KIF27: variants seen among roughly 807,000 people sequenced by gnomAD.
The protein encoded by KIF27 is kinesin-like protein KIF27.
In KIF27, 84 loss-of-function variants were observed where a neutral mutation model predicts 141.8. That is an observed-to-expected ratio of 0.59 (90% CI 0.50 to 0.71). KIF27 has a LOEUF of 0.71. KIF27 is among the 30% of genes least tolerant of loss of function. The pLI is 0.00. For synonymous variants in KIF27, 471 were observed against 569.5 expected (o/e 0.83, Z 2.46); for missense variants, 1,306 against 1,628.4 (o/e 0.80, Z 3.41).
intron 3 of KIF27, among the ~76,000 whole-genome samples, chr9:83,908,129 G>A (rs946590744): frequency 3.3e-5 from 5 of 152,012 alleles, no homozygotes; most frequent in African/African-American, 7.3e-5. Flanking sequence ...AGGCATGGTG[G>A]TGCACACCTG....
intron 5 of KIF27, among the ~76,000 whole-genome samples, chr9:83,895,535 T>G (rs1369997954): frequency 6.6e-6 from 1 of 152,150 alleles, no homozygotes; most frequent in Admixed American, 6.5e-5. Flanking sequence ...CAACACTGCA[T>G]TGGAGATCCC....
intron 13 of KIF27, among the ~76,000 whole-genome samples, chr9:83,860,872 C>A (rs1204061315): frequency 6.7e-6 from 1 of 148,876 alleles, no homozygotes; most frequent in Non-Finnish European, 1.5e-5. Context: ...CCTGGATAGG[C>A]TTGATGGGAG....
chr9:83,888,971 C>T (rs934606541), intron 7 of KIF27, 113 bp downstream of exon 7: 3 of 1,278,298 alleles, frequency 2.3e-6, no homozygotes, highest in Admixed American at 3.0e-5. Flanking sequence ...CAAAAGTTAC[C>T]TACTCTTCTA....
At chr9:83,841,692 T>C (rs1158377926) in intron 17 of KIF27, among the ~76,000 whole-genome samples, 24 of 152,170 alleles carry the variant, frequency 1.6e-4, no homozygotes, top group Non-Finnish European at 2.8e-4. Flanking sequence ...CTTCATAGTA[T>C]TTTTTATTTT....
At chr9:83,874,873 A>G (rs146450788) in intron 11 of KIF27, among the ~76,000 whole-genome samples, 2 of 151,104 alleles carry the variant, frequency 1.3e-5, no homozygotes, top group Non-Finnish European at 3.0e-5. Context: ...GGCCAAGGCT[A>G]CAGTGAGCCA....
At chr9:83,902,322 AG>A (rs1334367415) in intron 4 of KIF27, among the ~76,000 whole-genome samples, 1 of 152,222 alleles carries the variant, frequency 6.6e-6, no homozygotes, top group African/African-American at 2.4e-5. Context: ...ATGTTGTCTC[AG>A]GAACAACTGA....
chr9:83,854,472 T>C (rs547676713), intron 14 of KIF27, among the ~76,000 whole-genome samples: 1 of 152,288 alleles, frequency 6.6e-6, no homozygotes, highest in East Asian at 1.9e-4. Flanking sequence ...AGAAGGAAAA[T>C]GTAGGTGTTA....
rs768600707 is a variant in KIF27, at chr9:83,859,145, T to C, written c.3150+11A>G. ...ATACAGCACCTCCAGTTCCAAAGAA[T>C]ACTGACTTACTTCAGGTGATAACAC... is the stretch of plus-strand genomic sequence containing the variant. On this transcript the variant is annotated intron_variant, in intron 14 of 17. Coordinates refer to ENST00000297814, the MANE Select transcript of KIF27 (RefSeq NM_017576.4). The C allele has an allele frequency of 1.3e-6, 2 of 1,576,056 alleles. No individual in the cohort carries two copies.
chr9:83,909,516 A>G (rs917920873), intron 2 of KIF27, among the ~76,000 whole-genome samples: 13 of 151,980 alleles, frequency 8.6e-5, no homozygotes, highest in African/African-American at 2.9e-4. Flanking sequence ...TGGGTGGCTA[A>G]GGCAAGAGAA....
chr9:83,903,402 G>A lies in KIF27; in HGVS notation c.1116C>T (p.Ser372=). The change falls in exon 4 of 18, where the codon AGC becomes AGT. Residue 372 remains serine, a synonymous_variant. Coordinates refer to ENST00000297814, the MANE Select transcript of KIF27 (RefSeq NM_017576.4). ...TAGTTTGGCTGACACCAGCCTGCTG[G>A]CTTTGCAAAGCTTCTCGAAGCAATT... The part of the protein sequence containing the change: ...EIKLLREALQ[S]QQAGVSQTTQ... The A allele has an allele frequency of 6.2e-7, 1 of 1,613,902 alleles. No individual in the cohort carries two copies. The highest frequency in any genetic ancestry group is 1.1e-5 in the South Asian group (1 of 91,078).
intron 17 of KIF27, among the ~76,000 whole-genome samples, chr9:83,838,129 C>T (rs933663829): frequency 6.6e-6 from 1 of 152,180 alleles, no homozygotes; most frequent in Non-Finnish European, 1.5e-5. Context: ...CAAAAACTTG[C>T]TTAAGGGAAA....
At chr9:83,851,833 T>C (rs1948617721) in intron 15 of KIF27, among the ~76,000 whole-genome samples, 2 of 152,122 alleles carry the variant, frequency 1.3e-5, no homozygotes, top group African/African-American at 4.8e-5. Flanking sequence ...TGCCTTGCTT[T>C]AAGAGTAGCA....
intron 4 of KIF27, among the ~76,000 whole-genome samples, chr9:83,900,733 G>A (rs1366975258): frequency 4.0e-5 from 6 of 151,412 alleles, no homozygotes; most frequent in Non-Finnish European, 5.9e-5. Flanking sequence ...ATATATACAC[G>A]TATATATATA....
At chr9:83,845,048 T>C (rs981298997) in intron 16 of KIF27, among the ~76,000 whole-genome samples, 21 of 152,166 alleles carry the variant, frequency 1.4e-4, no homozygotes, top group African/African-American at 5.1e-4. Context: ...GCTCTGCCAC[T>C]TGGGCCATAT....
intron 6 of KIF27, among the ~76,000 whole-genome samples, chr9:83,891,060 T>C (rs967614768): frequency 1.3e-5 from 2 of 152,214 alleles, no homozygotes; most frequent in African/African-American, 2.4e-5. Flanking sequence ...CTTTTTCACA[T>C]TGAAGAAGTA....
At chr9:83,907,381 A>G (rs1954671922) in intron 3 of KIF27, among the ~76,000 whole-genome samples, 1 of 151,232 alleles carries the variant, frequency 6.6e-6, no homozygotes, top group Admixed American at 6.6e-5. Context: ...AAACCCACCA[A>G]AAAGAGAAGT....
chr9:83,834,878 AAAT>A lies in KIF27; in HGVS notation c.*2120_*2122del, dbSNP rs1235102792. 6.7e-6 allele frequency among the ~76,000 whole-genome samples: 1 copy of A among 149,250 alleles called. No individual in the cohort carries two copies. Among genetic ancestry groups the A allele is most frequent in the Non-Finnish European group, 1.5e-5 (1 of 67,386 alleles). ...ATATGATATGAAATAATATAAAGTG[AAAT>A]AATGTAAAATGTATAACCTATATCT... On this transcript the variant is annotated 3_prime_UTR_variant, in exon 18 of 18. Transcript: ENST00000297814.
chr9:83,882,239 G>A (rs1951735468), intron 10 of KIF27, among the ~76,000 whole-genome samples: 1 of 152,058 alleles, frequency 6.6e-6, no homozygotes, highest in Non-Finnish European at 1.5e-5. Context: ...GCAGGCACCT[G>A]TAATCCCAGC....
rs1379633756 is a variant in KIF27 at position 83,867,667 on chromosome 9, T to C, written c.2934+17A>G. 6.3e-7 allele frequency: 1 copy of C among 1,578,894 alleles called. No homozygotes were observed. The highest frequency in any genetic ancestry group is 8.6e-7 in the Non-Finnish European group (1 of 1,166,442). Reference sequence around the variant, plus strand: ...GTGGTTTACAACCAGAATCAAGTAGTGTATTAAACAGAATACCTGACTAGA... The same window carrying C: ...GTGGTTTACAACCAGAATCAAGTAGCGTATTAAACAGAATACCTGACTAGA... On this transcript the variant is annotated intron_variant, in intron 13 of 17. Transcript: ENST00000297814.
Sources: gnomAD v4.1 joint callset for allele counts (sites outside exome capture counted in the v4.1 genomes callset) on GRCh38, gnomAD v4.1.1 for gene constraint, MANE v1.5 for transcripts, NCBI Gene and HGNC (gene_info 2026-07-23, HGNC 2026-07-21) for gene names.